The following SLC60A1 variants were observed in gnomAD, a reference collection of about 807,000 sequenced individuals.
SLC60A1 encodes the protein major facilitator superfamily domain containing 4.
chr1:205,570,390 C>T, the SLC60A1 span, among the ~76,000 whole-genome samples: 3 of 151,790 alleles, frequency 2.0e-5, no homozygotes, highest in East Asian at 4.0e-4. Flanking sequence ...GAGAAAAAAC[C>T]GCAGTTGGGC....
the SLC60A1 span, among the ~76,000 whole-genome samples, chr1:205,588,469 C>CAAAAAA: frequency 2.3e-3 from 190 of 84,412 alleles, no homozygotes; most frequent in Non-Finnish European, 2.7e-3. Flanking sequence ...GACTTCAAAT[C>CAAAAAA]AAAAAAAAAA....
the SLC60A1 span, among the ~76,000 whole-genome samples, chr1:205,577,953 CCGTAGTACT>C: frequency 6.6e-6 from 1 of 152,324 alleles, no homozygotes; most frequent in Non-Finnish European, 1.5e-5. The surrounding 1 kb of genome is among the most constrained non-coding windows in gnomAD (Gnocchi z 5.2). Context: ...TGTCAGCAGA[CCGTAGTACT>C]CGCTATCATC....
chr1:205,574,629 T>G, the SLC60A1 span, among the ~76,000 whole-genome samples: 1 of 152,008 alleles, frequency 6.6e-6, no homozygotes, highest in Admixed American at 6.5e-5. Flanking sequence ...CAGGGTAGCA[T>G]GGAGAGTGGC....
chr1:205,590,554 G>A, the SLC60A1 span, among the ~76,000 whole-genome samples: 2 of 152,162 alleles, frequency 1.3e-5, no homozygotes, highest in Admixed American at 6.5e-5. Context: ...TGGCAGAGAC[G>A]GAAGGGCTGC....
chr1:205,569,393 C>T, the SLC60A1 span: 4 of 891,056 alleles, frequency 4.5e-6, no homozygotes, highest in Non-Finnish European at 5.8e-6. Flanking sequence ...CCCGGCCTCT[C>T]CCCCGGCCCC....
the SLC60A1 span, chr1:205,597,726 G>GGCTT: frequency 1.3e-6 from 2 of 1,594,702 alleles, no homozygotes; most frequent in Non-Finnish European, 1.7e-6. Flanking sequence ...TTGTAATGCT[G>GGCTT]GCTTCTGTCT....
At chr1:205,580,619 A>G in the SLC60A1 span, 3 of 1,587,942 alleles carry the variant, frequency 1.9e-6, no homozygotes, top group Non-Finnish European at 1.7e-6. The surrounding 1 kb of genome is among the most constrained non-coding windows in gnomAD (Gnocchi z 5.0). Flanking sequence ...CGGGCTGAAG[A>G]CTGACCCCCA....
chr1:205,599,011 G>T, the SLC60A1 span: 1 of 1,287,568 alleles, frequency 7.8e-7, no homozygotes, highest in Non-Finnish European at 1.1e-6. Context: ...TCCATCTCTT[G>T]GTGTGACGGG....
At chr1:205,580,718 T>G in the SLC60A1 span, 1 of 1,613,798 alleles carries the variant, frequency 6.2e-7, no homozygotes, top group Non-Finnish European at 8.5e-7. The surrounding 1 kb of genome is among the most constrained non-coding windows in gnomAD (Gnocchi z 5.0). Flanking sequence ...TGCTGACCCT[T>G]TCCTGTCTGA....
At chr1:205,597,373 GTTTTTTTTTT>G in the SLC60A1 span, among the ~76,000 whole-genome samples, 1 of 37,246 alleles carries the variant, frequency 2.7e-5, no homozygotes, top group South Asian at 1.0e-3. Flanking sequence ...AACCTAGGTT[GTTTTTTTTTT>G]TTTTTTTTTT....
chr1:205,584,333 T>C, the SLC60A1 span, among the ~76,000 whole-genome samples: 1 of 151,120 alleles, frequency 6.6e-6, no homozygotes, highest in Non-Finnish European at 1.5e-5. Context: ...GCGATTCTCC[T>C]GTCTCAGCCT....
At chr1:205,569,384 C>T in the SLC60A1 span, 29 of 992,972 alleles carry the variant, frequency 2.9e-5, no homozygotes, top group Non-Finnish European at 3.8e-5. Flanking sequence ...GCCCCGCGAC[C>T]CGGCCTCTCC....
the SLC60A1 span, chr1:205,585,947 C>A: frequency 6.2e-6 from 9 of 1,443,940 alleles, no homozygotes; most frequent in Admixed American, 1.0e-4. This position sits in a 1 kb window ranked among gnomAD's most constrained non-coding sequence, Gnocchi z 4.2. Flanking sequence ...CTGCCCTCCC[C>A]ACACCTGCCC....
At chr1:205,571,741 C>T in the SLC60A1 span, among the ~76,000 whole-genome samples, 6 of 152,336 alleles carry the variant, frequency 3.9e-5, no homozygotes, top group African/African-American at 1.4e-4. Flanking sequence ...TGCAACAAAG[C>T]TTTAAAGCTG....
the SLC60A1 span, among the ~76,000 whole-genome samples, chr1:205,585,872 T>A: frequency 6.6e-6 from 1 of 152,152 alleles, no homozygotes; most frequent in Non-Finnish European, 1.5e-5. This position sits in a 1 kb window ranked among gnomAD's most constrained non-coding sequence, Gnocchi z 4.2. Flanking sequence ...AAGTGTGTAG[T>A]GTGGCCTTGA....
the SLC60A1 span, chr1:205,598,843 C>A: frequency 2.3e-6 from 1 of 438,738 alleles, no homozygotes; most frequent in Non-Finnish European, 4.1e-6. Flanking sequence ...ATGACTGGAG[C>A]TTCAGTGATG....
chr1:205,583,438 T>C, the SLC60A1 span, among the ~76,000 whole-genome samples: 1 of 152,222 alleles, frequency 6.6e-6, no homozygotes, highest in Non-Finnish European at 1.5e-5. Context: ...CCAGGCTCCA[T>C]TCTGGCTTTG....
At chr1:205,578,273 C>A in the SLC60A1 span, among the ~76,000 whole-genome samples, 1 of 152,106 alleles carries the variant, frequency 6.6e-6, no homozygotes, top group African/African-American at 2.4e-5. Context: ...AGTCAGGCCA[C>A]CTAGGAGGCT....
At chr1:205,598,942 C>T in the SLC60A1 span, 3 of 705,396 alleles carry the variant, frequency 4.3e-6, no homozygotes, top group Admixed American at 2.8e-5. Flanking sequence ...AGCAGGACTT[C>T]GGCCTTCTCC....
Sources: gnomAD v4.1 joint callset for allele counts (sites outside exome capture counted in the v4.1 genomes callset) on GRCh38, gnomAD v4.1.1 for gene constraint, Gnocchi (gnomAD v3.1) non-coding constraint, MANE v1.5 for transcripts, NCBI Gene and HGNC (gene_info 2026-07-23, HGNC 2026-07-21) for gene names.